The following HIPK1 variants were observed in gnomAD, a reference collection of about 807,000 sequenced individuals.
HIPK1 encodes homeodomain interacting protein kinase 1.
In HIPK1, 28 loss-of-function variants were observed where a neutral mutation model predicts 117.1. The ratio of observed to expected loss-of-function variants is 0.24; its 90% confidence interval spans 0.18 to 0.33. HIPK1 has a LOEUF of 0.33. Ranked by LOEUF, HIPK1 falls within the 10% of genes least tolerant of loss-of-function variation. The probability of loss-of-function intolerance (pLI) is 1.00; values close to 1 mark genes in which losing one functional copy is unlikely to be tolerated. For synonymous variants in HIPK1, 605 were observed against 562.5 expected, an observed-to-expected ratio of 1.08 and a Z score of -1.07; for missense variants, 1,122 against 1,475.1, an observed-to-expected ratio of 0.76 and a Z score of 3.92.
chr1:113,942,070 A>AT (rs1670682345), intron 2 of HIPK1, among the ~76,000 whole-genome samples: 2 of 139,310 alleles, frequency 1.4e-5, no homozygotes, highest in African/African-American at 5.5e-5. Context: ...CTATTTATTT[A>AT]TTTTTTTAAG....
At chr1:113,940,070 G>T (rs1670549272) in intron 1 of HIPK1, among the ~76,000 whole-genome samples, 1 of 151,240 alleles carries the variant, frequency 6.6e-6, no homozygotes, top group Admixed American at 6.6e-5. Context: ...CTCCCAAAGT[G>T]CTGGAATTAA....
chr1:113,957,310 A>G, intron 7 of HIPK1, 24 bp downstream of exon 7: 3 of 1,587,324 alleles, frequency 1.9e-6, no homozygotes, highest in Non-Finnish European at 2.6e-6. Context: ...AATTTTGGAA[A>G]CTCAAGCTTA....
In HIPK1 at chr1:113,954,676, G is replaced by C. The variant is rs777976343; in HGVS notation, c.1226G>C (p.Gly409Ala). ...DQIRYISQTQ[G>A]LPAEYLLSAG... ...ATTCGTTATATTTCACAAACACAAGGCTTGCCAGCTGAATATCTTCTCAGT... is the reference window on the plus strand; with the variant it reads ...ATTCGTTATATTTCACAAACACAAGCCTTGCCAGCTGAATATCTTCTCAGT... The change falls in exon 4 of 16, where the codon GGC becomes GCC. Residue 409 changes from glycine (G) to alanine (A), a missense_variant. Gly to Ala is a moderately conservative substitution (Grantham distance 60). Transcript: ENST00000426820. The C allele has an allele frequency of 6.2e-7, 1 of 1,613,584 alleles. No homozygotes were observed. Among genetic ancestry groups the C allele is most frequent in the Admixed American group, 1.7e-5 (1 of 60,010 alleles).
At chr1:113,942,329 T>G (rs1355673985) in intron 2 of HIPK1, among the ~76,000 whole-genome samples, 3 of 152,156 alleles carry the variant, frequency 2.0e-5, no homozygotes, top group African/African-American at 7.2e-5. Context: ...CCAAAGTGAT[T>G]AGAGGCGTGA....
At chr1:113,936,937 T>A (rs1240996324) in intron 1 of HIPK1, among the ~76,000 whole-genome samples, 1 of 152,226 alleles carries the variant, frequency 6.6e-6, no homozygotes. Flanking sequence ...GAAAACAAAT[T>A]TAGAAAATTT....
intron 10 of HIPK1, among the ~76,000 whole-genome samples, chr1:113,965,361 A>G (rs1239822890): frequency 6.6e-6 from 1 of 152,174 alleles, no homozygotes; most frequent in African/African-American, 2.4e-5. Flanking sequence ...GTTTATTGCA[A>G]GTGACATGGC....
At chr1:113,948,863 A>G (rs1166077068) in intron 2 of HIPK1, among the ~76,000 whole-genome samples, 7 of 151,834 alleles carry the variant, frequency 4.6e-5, no homozygotes, top group Admixed American at 4.6e-4. Flanking sequence ...TCTGAGACGG[A>G]GTTTCGCTCT....
At chr1:113,968,975 G>A (rs750945049) in intron 13 of HIPK1, among the ~76,000 whole-genome samples, 4 of 152,126 alleles carry the variant, frequency 2.6e-5, no homozygotes, top group Non-Finnish European at 5.9e-5. Context: ...AGCTGAGATC[G>A]TGCCACTGTA....
intron 1 of HIPK1, chr1:113,933,206 G>T: frequency 1.0e-6 from 1 of 985,062 alleles, no homozygotes; most frequent in South Asian, 4.7e-5. Context: ...CCACACTGAA[G>T]AAGTGAGCTT....
At chr1:113,930,566 A>G (rs748981743) in intron 1 of HIPK1, 12 of 152,662 alleles carry the variant, frequency 7.9e-5, no homozygotes, top group Non-Finnish European at 1.6e-4. Context: ...CACCACTTTC[A>G]AAGCTTTCGT....
rs144230722 is a variant in HIPK1, at chr1:113,935,112, A to C, written c.-2-5270A>C. On this transcript the variant is annotated intron_variant, in intron 1 of 15. Coordinates refer to ENST00000426820, the MANE Select transcript of HIPK1 (RefSeq NM_198268.3). ...TATGTCACAGGGGTTTGGTGTACAG[A>C]TATTTTGTCGTCCAGGTAATAAGCA... is the stretch of plus-strand genomic sequence containing the variant. 5.3e-3 allele frequency among the ~76,000 whole-genome samples: 799 copies of C among 151,042 alleles called. 8 individuals are homozygous for C. The highest frequency in any genetic ancestry group is 0.018 in the African/African-American group (732 of 41,112).
chr1:113,958,612 T>C (rs911186817), intron 8 of HIPK1, among the ~76,000 whole-genome samples: 2 of 152,250 alleles, frequency 1.3e-5, no homozygotes, highest in African/African-American at 4.8e-5. Context: ...ATGCAAAATC[T>C]ATACAACTTG....
At position 113,940,483 on chromosome 1, in the gene HIPK1, T is replaced by G. The variant is rs1670575015; in HGVS notation, c.100T>G (p.Ser34Ala). The G allele has an allele frequency of 1.2e-6, 2 of 1,614,062 alleles. No homozygotes were observed. The highest frequency in any genetic ancestry group is 1.7e-5 in the Admixed American group (1 of 60,006). Reference protein sequence around the residue: ...LKIEPSGWDVSGQSSNDKYYT... With the variant: ...LKIEPSGWDVAGQSSNDKYYT... ...AATAGAGCCCTCTGGCTGGGATGTT[T>G]CAGGACAGAGTAGCAACGACAAATA... Residue 34 changes from serine to alanine, a missense_variant, in exon 2 of 16, where the codon TCA becomes GCA. Coordinates refer to ENST00000426820, the MANE Select transcript of HIPK1 (RefSeq NM_198268.3).
intron 14 of HIPK1, 43 bp downstream of exon 14, chr1:113,970,240 G>C: frequency 1.9e-6 from 3 of 1,606,876 alleles, no homozygotes; most frequent in South Asian, 2.2e-5. Flanking sequence ...CTCCTTTGAT[G>C]TGTGAATGCT....
intron 13 of HIPK1, 85 bp from the exon 14 acceptor site, chr1:113,969,871 C>A: frequency 1.4e-6 from 2 of 1,474,734 alleles, no homozygotes; most frequent in Non-Finnish European, 1.9e-6. Flanking sequence ...CACTCCACTG[C>A]ACTCCAGCCT....
chr1:113,940,867 G>A lies in HIPK1; in HGVS notation c.484G>A (p.Val162Met). 6.2e-7 allele frequency: 1 copy of A among 1,614,132 alleles called. No homozygotes were observed. Among genetic ancestry groups the A allele is most frequent in the Non-Finnish European group, 8.5e-7 (1 of 1,180,038 alleles). Residue 162 changes from valine (V) to methionine (M), a missense_variant, in exon 2 of 16, where the codon GTG (valine) becomes ATG (methionine). By Grantham distance (21) the Val-to-Met change is conservative (BLOSUM62 1). This residue lies in a region of HIPK1 where 192 missense variants were observed against 234.0 expected (regional missense o/e 0.82). Transcript: ENST00000426820. ...VVGAAATTTTVTTKSSSSSGE... is the reference protein window; with the variant it reads ...VVGAAATTTTMTTKSSSSSGE... ...GGGTGCTGCTGCCACAACCACCACT[G>A]TGACCACAAAGAGTAGCAGTTCCAG...
Position 113,941,012 on chromosome 1 carries a change from G to A in HIPK1, c.629G>A (p.Arg210Lys), listed in dbSNP as rs779693829. 3.1e-6 allele frequency: 5 copies of A among 1,614,076 alleles called. No individual in the cohort carries two copies. The highest frequency in any genetic ancestry group is 4.2e-6 in the Non-Finnish European group (5 of 1,180,052). The part of the protein sequence containing the change: ...TFGQVAKCWK[R>K]STKEIVAIKI... Reference sequence around the variant, plus strand: ...GGACAGGTGGCTAAGTGCTGGAAGAGGAGCACCAAGGAAATTGTGGCTATT... The same window carrying A: ...GGACAGGTGGCTAAGTGCTGGAAGAAGAGCACCAAGGAAATTGTGGCTATT... The change falls in exon 2 of 16, where the codon AGG becomes AAG. Residue 210 changes from arginine (R) to lysine (K), a missense_variant. This residue lies in a region of HIPK1 where 62 missense variants were observed against 121.5 expected (regional missense o/e 0.51). Transcript: ENST00000426820. The surrounding 1 kb of genome is among the most constrained non-coding windows in gnomAD (Gnocchi z 4.9).
chr1:113,965,996 T>C, intron 10 of HIPK1, 134 bp from the exon 11 acceptor site: 2 of 834,762 alleles, frequency 2.4e-6, no homozygotes, highest in Non-Finnish European at 3.7e-6. Context: ...CTGACCTTTC[T>C]TTTTTAATCT....
At chr1:113,963,954 G>T (rs563880847) in intron 10 of HIPK1, among the ~76,000 whole-genome samples, 6 of 152,212 alleles carry the variant, frequency 3.9e-5, no homozygotes, top group Admixed American at 3.3e-4. Flanking sequence ...CCAAAATTGA[G>T]CTCGTTGGCA....
Sources: allele counts gnomAD v4.1 joint callset (sites outside exome capture counted in the v4.1 genomes callset), GRCh38; gene constraint gnomAD v4.1.1; regional missense constraint gnomAD v4.1.1; non-coding constraint Gnocchi (gnomAD v3.1); transcripts MANE v1.5; gene names NCBI Gene and HGNC (gene_info 2026-07-23, HGNC 2026-07-21).